ANTXRL: variants seen among roughly 807,000 people sequenced by gnomAD.
The protein encoded by ANTXRL is anthrax toxin receptor-like.
In ANTXRL, 63 loss-of-function variants were observed where a neutral mutation model predicts 75.4. The ratio of observed to expected loss-of-function variants is 0.84; its 90% CI spans 0.68 to 1.03. ANTXRL has a LOEUF of 1.03. Among genes scored for constraint, ANTXRL ranks in the 50% least tolerant of loss-of-function variants. ANTXRL has a pLI of 0.00. For missense variants in ANTXRL, 797 were observed against 789.4 expected (o/e 1.01, Z -0.12); for synonymous variants, 335 against 291.3 (o/e 1.15, Z -1.53).
chr10:46,296,234 G>C lies in ANTXRL; in HGVS notation c.490G>C (p.Glu164Gln). ...AGFRKAIQQI[E>Q]SFNSGNKVPS... ...TTTCTTGCAGGCAATTCAACAGATC[G>C]AAAGTTTCAACTCCGGAAGTAAGCA... Residue 164 changes from glutamate to glutamine, a missense_variant, in exon 5 of 17, where the codon GAA (glutamate) becomes CAA (glutamine). By Grantham distance (29) the Glu-to-Gln change is conservative. Transcript: ENST00000620264. 6.5e-7 allele frequency: 1 copy of C among 1,535,860 alleles called. No homozygotes were observed.
At chr10:46,310,579 G>T in intron 14 of ANTXRL, 80 bp downstream of exon 14, 2 of 1,405,308 alleles carry the variant, frequency 1.4e-6, no homozygotes, top group South Asian at 1.2e-5. Context: ...TGAAGCCTGC[G>T]CCCCATGATC....
At chr10:46,307,297 A>T in intron 11 of ANTXRL, 105 bp from the exon 12 acceptor site, 1 of 834,544 alleles carries the variant, frequency 1.2e-6, no homozygotes, top group Non-Finnish European at 2.0e-6. Context: ...TGCTAAGTTT[A>T]CCTGCAAGTG....
intron 9 of ANTXRL, among the ~76,000 whole-genome samples, chr10:46,300,743 AG>A (rs1387760603): frequency 2.2e-4 from 34 of 152,194 alleles, no homozygotes; most frequent in Admixed American, 5.9e-4. Flanking sequence ...GACTCCCTGC[AG>A]CCCAAGGGCT....
At chr10:46,318,488 T>G (rs1039861473) in intron 16 of ANTXRL, among the ~76,000 whole-genome samples, 1 of 151,568 alleles carries the variant, frequency 6.6e-6, no homozygotes, top group East Asian at 1.9e-4. Context: ...GGGAATTTGA[T>G]CAAAACGACA....
rs1411768348 is a variant in ANTXRL, at chr10:46,307,498, G to A, written c.1044+18G>A. The A allele has an allele frequency of 7.8e-6, 12 of 1,531,410 alleles. No homozygotes were observed. The highest frequency in any genetic ancestry group is 1.2e-5 in the South Asian group (1 of 83,964). 94.9% of individuals were successfully genotyped at this position (1,531,410 alleles called of 1,614,324 possible). On this transcript the variant is annotated intron_variant, in intron 12 of 16. Transcript: ENST00000620264. ...CCACATGTGTGAGTACCAGCATGGG[G>A]CTGCAAACATGTATGAGGACTGTCC...
intron 16 of ANTXRL, among the ~76,000 whole-genome samples, chr10:46,314,885 C>G (rs1588854760): frequency 6.6e-6 from 1 of 152,104 alleles, no homozygotes; most frequent in East Asian, 1.9e-4. Flanking sequence ...TGTCCCTAAC[C>G]CAGGGAGGCC....
chr10:46,290,110 C>T (rs772549850), intron 1 of ANTXRL, among the ~76,000 whole-genome samples: 3 of 143,294 alleles, frequency 2.1e-5, no homozygotes, highest in South Asian at 2.2e-4. Context: ...GGCGCGATCT[C>T]GGCTCATTGC....
intron 16 of ANTXRL, among the ~76,000 whole-genome samples, chr10:46,328,904 T>G (rs1190630693): frequency 3.3e-5 from 5 of 152,070 alleles, no homozygotes; most frequent in Non-Finnish European, 7.4e-5. Flanking sequence ...ACCTTACTTA[T>G]AGTGACCCTG....
chr10:46,303,533 A>G (rs1399244338), intron 10 of ANTXRL, among the ~76,000 whole-genome samples: 1 of 152,190 alleles, frequency 6.6e-6, no homozygotes, highest in Non-Finnish European at 1.5e-5. Flanking sequence ...AAATTCTCTA[A>G]TGAGCATTTC....
chr10:46,323,988 A>C lies in ANTXRL; in HGVS notation c.1411-5611A>C, dbSNP rs575297506. On this transcript the variant is annotated intron_variant, in intron 16 of 16. Coordinates refer to ENST00000620264, the MANE Select transcript of ANTXRL (RefSeq NM_001278688.3). Reference sequence around the variant, plus strand: ...TTCCAGGCCAAGGAAAATGTTGAATAGTTTTGAATTCTCCCAGGTGAAAGG... The same window carrying C: ...TTCCAGGCCAAGGAAAATGTTGAATCGTTTTGAATTCTCCCAGGTGAAAGG... Among the ~76,000 whole-genome samples the C allele has an allele frequency of 2.0e-4, 31 of 152,298 alleles. No homozygotes were observed. In the South Asian group the frequency reaches 5.8e-3, roughly 28 times the overall value.
intron 13 of ANTXRL, among the ~76,000 whole-genome samples, chr10:46,310,246 C>T (rs115706401): frequency 1.0e-3 from 155 of 152,202 alleles, no homozygotes; most frequent in Middle Eastern, 3.4e-3. Flanking sequence ...CCCACAGCGG[C>T]GGTACAGGGG....
Position 46,287,524 on chromosome 10 carries a change from C to T in ANTXRL, c.248+14C>T, listed in dbSNP as rs1554955572. The stretch of plus-strand genomic sequence containing the variant: ...CATCTTGGACAAGTGAGTGTCCCTT[C>T]TAGCTCTGGCCCTGGGTCACCCTCA... On this transcript the variant is annotated intron_variant, in intron 1 of 16. Transcript: ENST00000620264. 1 of 1,531,382 alleles carries T rather than the reference C, an allele frequency of 6.5e-7. No individual in the cohort carries two copies. Among genetic ancestry groups the T allele is most frequent in the African/African-American group, 1.4e-5 (1 of 72,822 alleles). 94.9% of individuals were successfully genotyped at this position (1,531,382 alleles called of 1,614,324 possible). A position where few individuals can be genotyped will look rare whatever the true frequency, so the allele number is the denominator to read the frequency against.
chr10:46,307,058 G>A (rs1458142716), intron 11 of ANTXRL, among the ~76,000 whole-genome samples, 186 bp downstream of exon 11: 11 of 152,086 alleles, frequency 7.2e-5, no homozygotes, highest in African/African-American at 1.2e-4. Context: ...GGGATCTGCA[G>A]CATCCTAGGG....
In ANTXRL at chr10:46,302,339, C is replaced by T. The variant is rs1837801532; in HGVS notation, c.797-383C>T. ...TCAGGCAGCATTATGGCTCCGCTTACACCTGACATCAGGGAGGGCCTGGCT... is the reference window on the plus strand; with the variant it reads ...TCAGGCAGCATTATGGCTCCGCTTATACCTGACATCAGGGAGGGCCTGGCT... On this transcript the variant is annotated intron_variant, in intron 9 of 16. Coordinates refer to ENST00000620264, the MANE Select transcript of ANTXRL (RefSeq NM_001278688.3). Among the ~76,000 whole-genome samples, 3 of 152,294 alleles carry T rather than the reference C, an allele frequency of 2.0e-5. No homozygotes were observed. In the South Asian group the frequency reaches 6.2e-4, roughly 32 times the overall value.
rs1554967303 is a variant in ANTXRL at position 46,329,908 on chromosome 10, A to C, written c.1720A>C (p.Lys574Gln). Residue 574 changes from lysine (K) to glutamine (Q), a missense_variant, in exon 17 of 17, where the codon AAG becomes CAG. Lys to Gln is a moderately conservative substitution (Grantham distance 53, BLOSUM62 1). Around this residue, in one of 3 missense-constraint regions of ANTXRL, gnomAD observed 479 missense variants for 422.0 expected, o/e 1.14. Transcript: ENST00000620264. ...CCAAGCACAGACTCTGTGCAACCCA[A>C]AGAGCTGCCTTCAACCCAGCCGGGA... ...FSQAQTLCNP[K>Q]SCLQPSRECL... 6.5e-7 allele frequency: 1 copy of C among 1,535,786 alleles called. No individual in the cohort carries two copies. Among genetic ancestry groups the C allele is most frequent in the South Asian group, 1.2e-5 (1 of 84,038 alleles).
At chr10:46,306,934 G>C in intron 11 of ANTXRL, 62 bp downstream of exon 11, 2 of 1,386,082 alleles carry the variant, frequency 1.4e-6, no homozygotes, top group Non-Finnish European at 1.9e-6. Flanking sequence ...TGGGCACCTT[G>C]AGGTGTACAA....
chr10:46,298,450 T>C (rs1837521708), intron 9 of ANTXRL, among the ~76,000 whole-genome samples: 1 of 151,076 alleles, frequency 6.6e-6, no homozygotes, highest in Admixed American at 6.6e-5. Flanking sequence ...GGGGTGTATG[T>C]TGTGTGGGAG....
At chr10:46,315,877 A>C (rs1442222921) in intron 16 of ANTXRL, among the ~76,000 whole-genome samples, 9 of 152,184 alleles carry the variant, frequency 5.9e-5, no homozygotes, top group African/African-American at 2.2e-4. Context: ...AGTCTTGTTT[A>C]ATTTCAATTT....
chr10:46,294,687 G>A (rs12570795), intron 3 of ANTXRL, among the ~76,000 whole-genome samples: 58,076 of 149,186 alleles, frequency 0.39, 10,325 homozygotes, highest in Non-Finnish European at 0.46. Flanking sequence ...GACTGGGTGG[G>A]TGTGAGGTGG....
Sources: gnomAD v4.1 joint callset for allele counts (sites outside exome capture counted in the v4.1 genomes callset) on GRCh38, gnomAD v4.1.1 for gene constraint, gnomAD v4.1.1 regional missense constraint, MANE v1.5 for transcripts, NCBI Gene and HGNC (gene_info 2026-07-23, HGNC 2026-07-21) for gene names.